NTN1: variants seen among roughly 807,000 people sequenced by gnomAD.
NTN1 encodes netrin 1.
A neutral mutation model predicts 54.2 loss-of-function variants in NTN1; 11 were observed. The observed-to-expected ratio is 0.20, with a 90% CI of 0.13 to 0.34. NTN1 has a LOEUF of 0.34. Among genes scored for constraint, NTN1 ranks in the 10% least tolerant of loss-of-function variants. NTN1 has a pLI of 1.00. For missense variants in NTN1, 740 were observed against 893.1 expected (o/e 0.83, Z 2.18); for synonymous variants, 371 against 382.0 (o/e 0.97, Z 0.33).
At chr17:9,127,537 G>C (rs537211486) in intron 2 of NTN1, among the ~76,000 whole-genome samples, 31 of 152,186 alleles carry the variant, frequency 2.0e-4, no homozygotes, top group African/African-American at 5.5e-4. Context: ...GACGGTTGGA[G>C]TGGTGGCAGG....
At chr17:9,032,235 T>G (rs1405525195) in intron 2 of NTN1, among the ~76,000 whole-genome samples, 1 of 152,226 alleles carries the variant, frequency 6.6e-6, no homozygotes, top group Non-Finnish European at 1.5e-5. Context: ...ACATCACATT[T>G]GCCTGCTGCA....
intron 2 of NTN1, among the ~76,000 whole-genome samples, chr17:9,115,927 C>A (rs1028965479): frequency 2.0e-5 from 3 of 152,250 alleles, no homozygotes; most frequent in African/African-American, 7.2e-5. Flanking sequence ...GAATTTTCCT[C>A]CCATAAACAA....
intron 6 of NTN1, among the ~76,000 whole-genome samples, chr17:9,231,847 T>C (rs1905826004): frequency 6.6e-6 from 1 of 152,202 alleles, no homozygotes; most frequent in Non-Finnish European, 1.5e-5. Flanking sequence ...AGGCTGGCTT[T>C]CTCACTTTCC....
chr17:9,076,489 C>T (rs533957563), intron 2 of NTN1, among the ~76,000 whole-genome samples: 25 of 152,294 alleles, frequency 1.6e-4, no homozygotes, highest in Admixed American at 1.6e-3. Context: ...CCTCCCACCT[C>T]AGCATCCCGA....
intron 3 of NTN1, among the ~76,000 whole-genome samples, chr17:9,179,383 TGGG>T (rs1328018802): frequency 6.6e-6 from 1 of 151,976 alleles, no homozygotes; most frequent in Admixed American, 6.6e-5. Context: ...CAAGAAAACT[TGGG>T]GGCAGGGAGC....
chr17:9,202,932 A>AT (rs909088263), intron 5 of NTN1, among the ~76,000 whole-genome samples: 7 of 150,836 alleles, frequency 4.6e-5, no homozygotes, highest in Admixed American at 1.3e-4. Flanking sequence ...TTTATTTTTT[A>AT]TTTTTTTGAG....
At chr17:9,163,149 CACACACACA>C in intron 3 of NTN1, 148 bp downstream of exon 3, 2 of 8,488 alleles carry the variant, frequency 2.4e-4, no homozygotes, top group Non-Finnish European at 3.4e-4. Context: ...CTCTCTGTGA[CACACACACA>C]CACACACACA....
intron 2 of NTN1, among the ~76,000 whole-genome samples, chr17:9,137,541 C>G (rs2092284689): frequency 6.6e-6 from 1 of 152,170 alleles, no homozygotes; most frequent in African/African-American, 2.4e-5. Context: ...GCCTGTAATC[C>G]CAGCACTTTG....
At chr17:9,191,491 G>C (rs116533986) in intron 5 of NTN1, among the ~76,000 whole-genome samples, 1 of 152,104 alleles carries the variant, frequency 6.6e-6, no homozygotes, top group Non-Finnish European at 1.5e-5. Flanking sequence ...CTGTATCTCA[G>C]AAATCTCTAT....
At chr17:9,017,097 C>T (rs2091833544), upstream of NTN1, among the ~76,000 whole-genome samples, 1 of 152,118 alleles carries the variant, frequency 6.6e-6, no homozygotes. Context: ...ATCTGTCTTC[C>T]ACCTCTCTCC....
intron 2 of NTN1, among the ~76,000 whole-genome samples, chr17:9,082,322 A>C (rs1035028589): frequency 6.6e-6 from 1 of 152,178 alleles, no homozygotes; most frequent in Non-Finnish European, 1.5e-5. Flanking sequence ...CAGCCTCCCA[A>C]AGTGCTGGGA....
chr17:9,217,559 A>G (rs1905242227), intron 5 of NTN1, among the ~76,000 whole-genome samples: 1 of 152,068 alleles, frequency 6.6e-6, no homozygotes, highest in Admixed American at 6.5e-5. Context: ...ATACGGTAAC[A>G]TTTTCCTTAT....
intron 6 of NTN1, among the ~76,000 whole-genome samples, chr17:9,232,585 T>C (rs1387045845): frequency 6.6e-6 from 1 of 152,164 alleles, no homozygotes; most frequent in Non-Finnish European, 1.5e-5. Flanking sequence ...GTCCTCATGT[T>C]GTCTAAGTCC....
At chr17:9,194,566 C>G (rs1364535608) in intron 5 of NTN1, among the ~76,000 whole-genome samples, 1 of 152,236 alleles carries the variant, frequency 6.6e-6, no homozygotes, top group African/African-American at 2.4e-5. Context: ...GAGGTGGCAG[C>G]TGCCCTGTGC....
At chr17:9,128,699 C>T (rs562212590) in intron 2 of NTN1, among the ~76,000 whole-genome samples, 45 of 152,222 alleles carry the variant, frequency 3.0e-4, no homozygotes, top group African/African-American at 8.9e-4. Flanking sequence ...TGTGGTGTAC[C>T]GAGGGAGACC....
chr17:9,004,614 C>T, the NTN1 span, among the ~76,000 whole-genome samples: 2 of 152,250 alleles, frequency 1.3e-5, no homozygotes, highest in Non-Finnish European at 2.9e-5. Flanking sequence ...CCGCCGCAGC[C>T]CTAATCCAGA....
At chr17:9,191,062 G>A (rs1246939942) in intron 5 of NTN1, among the ~76,000 whole-genome samples, 1 of 152,124 alleles carries the variant, frequency 6.6e-6, no homozygotes, top group Non-Finnish European at 1.5e-5. Context: ...GTCCTTAAAT[G>A]TTCTAGAATA....
rs571747120 is a variant in NTN1 at position 9,111,804 on chromosome 17, G to T, written c.1019-51009G>T. 9.2e-5 allele frequency among the ~76,000 whole-genome samples: 14 copies of T among 152,264 alleles called. No individual in the cohort carries two copies. The East Asian group carries it at 2.7e-3, about 29-fold the overall frequency. On this transcript the variant is annotated intron_variant, in intron 2 of 6. Coordinates refer to ENST00000173229, the MANE Select transcript of NTN1 (RefSeq NM_004822.3). The stretch of plus-strand genomic sequence containing the variant: ...TTTACTATTCATTAAGTGGAAGTGG[G>T]TCATCATGAAGGTCTTCATCCTCAT...
chr17:9,038,486 C>T (rs1265395760), intron 2 of NTN1, among the ~76,000 whole-genome samples: 1 of 152,068 alleles, frequency 6.6e-6, no homozygotes, highest in East Asian at 1.9e-4. Flanking sequence ...TAAGTAGGTG[C>T]TTATTAAATA....
Sources: allele counts gnomAD v4.1 joint callset (sites outside exome capture counted in the v4.1 genomes callset), GRCh38; gene constraint gnomAD v4.1.1; transcripts MANE v1.5; gene names NCBI Gene and HGNC (gene_info 2026-07-23, HGNC 2026-07-21).